Variants in TTN observed in about 807,000 individuals in gnomAD.
The protein encoded by TTN is titin.
TTN carries 1,525 observed loss-of-function variants against 3,223.0 expected under a neutral mutation model. That is an observed-to-expected ratio of 0.47 (90% CI 0.45 to 0.49). The LOEUF is 0.49. Among genes scored for constraint, TTN ranks in the 20% least tolerant of loss-of-function variants. The pLI is 0.00. For synonymous variants in TTN, 14,094 were observed against 15,161.0 expected (o/e 0.93, Z 5.17); for missense variants, 40,786 against 43,424.0 (o/e 0.94, Z 5.40).
chr2:178,528,529 G>A lies in TTN; in HGVS notation c.107222C>T (p.Pro35741Leu), dbSNP rs371210082. Residue 35741 changes from proline to leucine, a missense_variant and splice_region_variant, in exon 360 of 363, where the codon CCA becomes CTA. By Grantham distance (98) the Pro-to-Leu change is moderately conservative. Transcript: ENST00000589042. ...TAATATATTCATAATTAAACTTACT[G>A]GCAGGTTGTTTTTAAACCATTCGAT... ...PEIEWFKNNL[P>L]ISISSNVSIS... 5.0e-6 allele frequency: 8 copies of A among 1,603,076 alleles called. No individual in the cohort carries two copies. Among genetic ancestry groups the A allele is most frequent in the Non-Finnish European group, 6.8e-6 (8 of 1,173,422 alleles).
rs1376310602 is a variant in TTN, at chr2:178,753,161, A to G, written c.11274T>C (p.His3758=). ...TCTCAATCTCTTGTTCAATCCTCTC[A>G]TGCAAAATTGATTCAGGAGCTAAAA... ...SVEGAPESIL[H]ERIEQEIEME... is the part of the protein sequence containing the mutation. Residue 3758 remains histidine (H), a synonymous_variant, in exon 47 of 363, where the codon CAT becomes CAC. Coordinates refer to ENST00000589042, the MANE Select transcript of TTN (RefSeq NM_001267550.2). The G allele has an allele frequency of 6.2e-7, 1 of 1,609,156 alleles. No homozygotes were observed. Among genetic ancestry groups the G allele is most frequent in the Non-Finnish European group, 8.5e-7 (1 of 1,177,106 alleles).
chr2:178,698,203 A>G (rs536648543), intron 112 of TTN, among the ~76,000 whole-genome samples: 14 of 152,332 alleles, frequency 9.2e-5, no homozygotes, highest in Admixed American at 5.2e-4. Flanking sequence ...ATTCATAAAG[A>G]GTAGAATGAT....
At position 178,757,542 on chromosome 2, in the gene TTN, C is replaced by G; in HGVS notation, c.10678G>C (p.Val3560Leu). ...GTCCTTGAAGCAAGATGGGCTTTAC[C>G]TTTTGGAGTCACTGTGAGTGTAGCT... ...CAATLTVTPK[V>L]QALDRQSSGK... Residue 3560 changes from valine to leucine, a missense_variant and splice_region_variant, in exon 45 of 363, where the codon GTG becomes CTG. Transcript: ENST00000589042. The G allele has an allele frequency of 6.4e-7, 1 of 1,555,066 alleles. No homozygotes were observed. Among genetic ancestry groups the G allele is most frequent in the South Asian group, 1.2e-5 (1 of 80,290 alleles).
chr2:178,784,155 T>A lies in TTN; in HGVS notation c.2690A>T (p.Glu897Val). 1 of 1,614,126 alleles carries A rather than the reference T, an allele frequency of 6.2e-7. No individual in the cohort carries two copies. Among genetic ancestry groups the A allele is most frequent in the Non-Finnish European group, 8.5e-7 (1 of 1,180,002 alleles). ...GCTCACCCCTACTTCCTTTTTCACC[T>A]CAACGCCAGCTTCACTCTTGTAAGT... is the stretch of plus-strand genomic sequence containing the variant. ...PDTYKSEAGV[E>V]VKKEVGVSIT... Residue 897 changes from glutamate (E) to valine (V), a missense_variant, in exon 16 of 363, where the codon GAG becomes GTG. Glu to Val is a moderately radical substitution (Grantham distance 121). Coordinates refer to ENST00000589042, the MANE Select transcript of TTN (RefSeq NM_001267550.2).
chr2:178,734,132 T>C (rs762006170), intron 52 of TTN, among the ~76,000 whole-genome samples, 196 bp downstream of exon 52: 1 of 152,124 alleles, frequency 6.6e-6, no homozygotes, highest in Admixed American at 6.6e-5. Context: ...TGTTATCAGA[T>C]AATAGATATT....
intron 282 of TTN, 97 bp from the exon 283 acceptor site, chr2:178,602,687 T>G: frequency 1.2e-6 from 1 of 865,198 alleles, no homozygotes; most frequent in South Asian, 4.4e-5. Context: ...TTTTAATCTA[T>G]TAAAATATTA....
chr2:178,712,253 T>C (rs2076771493), intron 95 of TTN, 31 bp from the exon 96 acceptor site: 1 of 1,609,880 alleles, frequency 6.2e-7, no homozygotes, highest in Non-Finnish European at 8.5e-7. Flanking sequence ...CAATCAGTCA[T>C]GAAGGAGACA....
chr2:178,752,760 T>C (rs1405385412), intron 47 of TTN, among the ~76,000 whole-genome samples: 5 of 152,116 alleles, frequency 3.3e-5, no homozygotes, highest in Non-Finnish European at 5.9e-5. Context: ...AGCTAGGTTA[T>C]TGTCTATTTT....
At chr2:178,578,315 T>C in intron 321 of TTN, 130 bp from the exon 322 acceptor site, 2 of 883,828 alleles carry the variant, frequency 2.3e-6, no homozygotes, top group Non-Finnish European at 3.3e-6. Context: ...ATCTATACTT[T>C]TATTACCCAA....
Position 178,589,657 on chromosome 2 carries a change from G to A in TTN, c.62068C>T (p.Arg20690Trp), listed in dbSNP as rs758801935. 5.6e-6 allele frequency: 9 copies of A among 1,613,414 alleles called. No individual in the cohort carries two copies. The highest frequency in any genetic ancestry group is 5.0e-5 in the Admixed American group (3 of 59,984). Residue 20690 changes from arginine to tryptophan, a missense_variant, in exon 304 of 363, where the codon CGG becomes TGG. By Grantham distance (101) the Arg-to-Trp change is moderately radical. Transcript: ENST00000589042. ...CTGCCACCATCATAGTCAGGCCTCCGCCACTTTAGATAGACAAATGTCTTT... is the reference window on the plus strand; with the variant it reads ...CTGCCACCATCATAGTCAGGCCTCCACCACTTTAGATAGACAAATGTCTTT... ...KGKTFVYLKW[R>W]RPDYDGGSPN...
Position 178,647,420 on chromosome 2 carries a change from C to T in TTN, c.40102G>A (p.Val13368Met), listed in dbSNP as rs1006642777. ...EKIIPEKEVS[V>M]PIPAEPEVPP... ...ACTTCTGGCTCTGCAGGGATAGGCA[C>T]AGACACTTCCTTTTCTGGGATGATT... Residue 13368 changes from valine to methionine, a missense_variant, in exon 214 of 363, where the codon GTG (valine) becomes ATG (methionine). Coordinates refer to ENST00000589042, the MANE Select transcript of TTN (RefSeq NM_001267550.2). 3.9e-6 allele frequency: 6 copies of T among 1,549,648 alleles called. No individual in the cohort carries two copies. The Admixed American group carries it at 5.9e-5, about 15-fold the overall frequency.
intron 223 of TTN, 71 bp from the exon 224 acceptor site, chr2:178,637,490 A>T: frequency 1.1e-6 from 1 of 913,164 alleles, no homozygotes; most frequent in Non-Finnish European, 1.5e-6. Flanking sequence ...TAAACCATGG[A>T]GGGTGAGTCA....
intron 66 of TTN, 41 bp downstream of exon 66, chr2:178,728,459 T>C (rs2079761230): frequency 2.5e-6 from 4 of 1,587,320 alleles, no homozygotes; most frequent in South Asian, 1.2e-5. Flanking sequence ...ACAAAGGACA[T>C]ACTATAAATA....
chr2:178,590,853 G>A lies in TTN; in HGVS notation c.60872C>T (p.Ser20291Phe). The change falls in exon 304 of 363, where the codon TCT (serine) becomes TTT (phenylalanine). Residue 20291 changes from serine to phenylalanine, a missense_variant. Ser to Phe is a radical substitution (Grantham distance 155, BLOSUM62 -2). Coordinates refer to ENST00000589042, the MANE Select transcript of TTN (RefSeq NM_001267550.2). ...ACCATCAGATTTTGGCAGGGTCCAAGACACTGTTGCTGCATTTTCAGTAAT... is the reference window on the plus strand; with the variant it reads ...ACCATCAGATTTTGGCAGGGTCCAAAACACTGTTGCTGCATTTTCAGTAAT... ...TDITENAATV[S>F]WTLPKSDGGS... is the part of the protein sequence containing the mutation. 6.2e-7 allele frequency: 1 copy of A among 1,610,096 alleles called. No individual in the cohort carries two copies. The highest frequency in any genetic ancestry group is 2.2e-5 in the East Asian group (1 of 44,622).
chr2:178,542,132 A>AC (rs1694878210), intron 349 of TTN, 132 bp downstream of exon 349: 1 of 958,250 alleles, frequency 1.0e-6, no homozygotes, highest in Admixed American at 3.0e-5. Flanking sequence ...AGGTTTAGAA[A>AC]CCTTAGAAAG....
In TTN at chr2:178,770,605, C is replaced by G; in HGVS notation, c.8187G>C (p.Glu2729Asp). 6.2e-7 allele frequency: 1 copy of G among 1,614,108 alleles called. No individual in the cohort carries two copies. Among genetic ancestry groups the G allele is most frequent in the Non-Finnish European group, 8.5e-7 (1 of 1,180,000 alleles). The stretch of plus-strand genomic sequence containing the variant: ...CACCTTTGACATTAGGGTGTGTAAG[C>G]TCGACAGTGAAAACAGCATCCTGTG... ...TETQDAVFTV[E>D]LTHPNVKGVQ... The change falls in exon 35 of 363, where the codon GAG becomes GAC. Residue 2729 changes from glutamate (E) to aspartate (D), a missense_variant. Transcript: ENST00000589042.
chr2:178,638,856 A>G (rs2060855633), intron 223 of TTN, among the ~76,000 whole-genome samples: 1 of 152,026 alleles, frequency 6.6e-6, no homozygotes, highest in Non-Finnish European at 1.5e-5. Flanking sequence ...CATGATGCTG[A>G]GGTCTGGGAT....
In TTN at chr2:178,730,587, T is replaced by G. The variant is rs760854297; in HGVS notation, c.17946A>C (p.Glu5982Asp). ...NTAFLEISQL[E>D]GTDSGTYTCS... is the part of the protein sequence containing the mutation. ...AAGTGTATGTCCCACTGTCTGTACC[T>G]TCCAGCTGGCTGATTTCCAAGAAGG... The change falls in exon 61 of 363, where the codon GAA becomes GAC. Residue 5982 changes from glutamate (E) to aspartate (D), a missense_variant. Coordinates refer to ENST00000589042, the MANE Select transcript of TTN (RefSeq NM_001267550.2). 1 of 1,613,680 alleles carries G rather than the reference T, an allele frequency of 6.2e-7. No individual in the cohort carries two copies. The highest frequency in any genetic ancestry group is 1.1e-5 in the South Asian group (1 of 91,076).
In TTN at chr2:178,747,610, G is replaced by C. The variant is rs370038956; in HGVS notation, c.11311+5514C>G. 5.1e-5 allele frequency: 83 copies of C among 1,613,102 alleles called. No homozygotes were observed. The highest frequency in any genetic ancestry group is 6.9e-5 in the Non-Finnish European group (81 of 1,179,510). ...CCATTGAAGTGATTGATTCACTCTG[G>C]ACAAGCTTTGCCTGGTCTCTGGTGT... On this transcript the variant is annotated intron_variant, in intron 47 of 362. Transcript: ENST00000589042.
Sources: allele counts gnomAD v4.1 joint callset (sites outside exome capture counted in the v4.1 genomes callset), GRCh38; gene constraint gnomAD v4.1.1; transcripts MANE v1.5; gene names NCBI Gene and HGNC (gene_info 2026-07-23, HGNC 2026-07-21).